Variants in CLVS1 observed in about 807,000 individuals in gnomAD.
CLVS1 encodes the protein clavesin 1.
CLVS1 carries 10 observed loss-of-function variants against 33.1 expected under a neutral mutation model. The observed-to-expected ratio is 0.30, with a 90% CI of 0.19 to 0.51. The LOEUF (loss-of-function observed/expected upper bound fraction) is 0.51, where lower values mean the gene tolerates loss of function less well. Among genes scored for constraint, CLVS1 ranks in the 20% least tolerant of loss-of-function variants. CLVS1 has a pLI of 0.97. For synonymous variants in CLVS1, 163 were observed against 166.1 expected (o/e 0.98, Z 0.14); for missense variants, 343 against 433.4 (o/e 0.79, Z 1.85).
rs116957021 is a variant in CLVS1 at position 61,288,589 on chromosome 8, C to T, written c.-152+451C>T. On this transcript the variant is annotated intron_variant, in intron 1 of 5. Coordinates refer to ENST00000325897, the MANE Select transcript of CLVS1 (RefSeq NM_173519.3). The stretch of plus-strand genomic sequence containing the variant: ...GGAAAGTGAAGGCAGGAGGGAGAGA[C>T]CCCAGGCACGGGGACAGATGGGGCA... Among the ~76,000 whole-genome samples, 149 of 152,328 alleles carry T rather than the reference C, an allele frequency of 9.8e-4. 3 individuals are homozygous for T. In the East Asian group the frequency reaches 0.026, roughly 27 times the overall value.
intron 2 of CLVS1, among the ~76,000 whole-genome samples, chr8:61,178,635 TA>T (rs1163767488): frequency 7.9e-5 from 12 of 151,922 alleles, no homozygotes; most frequent in African/African-American, 2.7e-4. Context: ...CCCATCAGAG[TA>T]ACAGCAGATC....
chr8:61,005,501 A>G, the CLVS1 span, among the ~76,000 whole-genome samples: 7 of 151,848 alleles, frequency 4.6e-5, no homozygotes, highest in African/African-American at 1.5e-4. Context: ...AAAAGAAAAG[A>G]AAAAAAAGCC....
intron 3 of CLVS1, among the ~76,000 whole-genome samples, chr8:61,394,759 T>C (rs981861638): frequency 6.6e-6 from 1 of 152,190 alleles, no homozygotes; most frequent in South Asian, 2.1e-4. Flanking sequence ...GGAACTGTCA[T>C]ACTCTTTTCC....
chr8:61,157,541 G>C (rs955365279), intron 2 of CLVS1, among the ~76,000 whole-genome samples: 2 of 151,966 alleles, frequency 1.3e-5, no homozygotes, highest in African/African-American at 4.8e-5. Context: ...TAAAAAGAGC[G>C]AACATTAATT....
chr8:61,289,881 T>TG, intron 1 of CLVS1, among the ~76,000 whole-genome samples: 1 of 152,348 alleles, frequency 6.6e-6, no homozygotes, highest in East Asian at 1.9e-4. Context: ...TAATTCCACC[T>TG]GCCTCTAAAA....
At chr8:61,477,503 A>C (rs1817998219) in intron 5 of CLVS1, among the ~76,000 whole-genome samples, 1 of 151,900 alleles carries the variant, frequency 6.6e-6, no homozygotes. Context: ...ACAGAGATTC[A>C]ACTTCTTCCT....
chr8:61,491,702 T>C (rs1804094249), intron 5 of CLVS1, among the ~76,000 whole-genome samples: 1 of 152,178 alleles, frequency 6.6e-6, no homozygotes, highest in Admixed American at 6.5e-5. Flanking sequence ...GGAGTTAGCC[T>C]GATCAAAAAA....
the CLVS1 span, among the ~76,000 whole-genome samples, chr8:60,990,626 A>T: frequency 6.6e-6 from 1 of 152,136 alleles, no homozygotes; most frequent in South Asian, 2.1e-4. Flanking sequence ...AATAGGATAG[A>T]TGAACCATTT....
At chr8:60,966,848 A>G in the CLVS1 span, among the ~76,000 whole-genome samples, 1 of 152,204 alleles carries the variant, frequency 6.6e-6, no homozygotes, top group African/African-American at 2.4e-5. Flanking sequence ...TTTCTTATAC[A>G]TGACATTGGG....
chr8:61,026,713 T>C, the CLVS1 span, among the ~76,000 whole-genome samples: 1 of 152,222 alleles, frequency 6.6e-6, no homozygotes, highest in African/African-American at 2.4e-5. Context: ...TTTAGCTTCA[T>C]GTACCTGGAC....
chr8:61,402,311 A>C (rs539364476), intron 3 of CLVS1, among the ~76,000 whole-genome samples: 1 of 152,244 alleles, frequency 6.6e-6, no homozygotes, highest in East Asian at 1.9e-4. Flanking sequence ...TAGAGTTCTC[A>C]CAGAACTTGT....
intron 3 of CLVS1, among the ~76,000 whole-genome samples, chr8:61,440,053 A>G (rs1188534456): frequency 6.6e-6 from 1 of 152,232 alleles, no homozygotes; most frequent in Non-Finnish European, 1.5e-5. Flanking sequence ...TACCATAAAT[A>G]ACAGAATCTA....
intron 2 of CLVS1, among the ~76,000 whole-genome samples, chr8:61,162,820 A>G (rs1308263068): frequency 6.6e-6 from 1 of 152,062 alleles, no homozygotes; most frequent in Non-Finnish European, 1.5e-5. Context: ...GTCTTGTTTT[A>G]TATCTCGAGA....
chr8:61,313,693 G>A (rs535939337), intron 2 of CLVS1, among the ~76,000 whole-genome samples: 2 of 152,224 alleles, frequency 1.3e-5, no homozygotes, highest in African/African-American at 4.8e-5. Flanking sequence ...TGACTTGTGG[G>A]GAGAAATCTG....
the CLVS1 span, among the ~76,000 whole-genome samples, chr8:61,034,132 A>C: frequency 9.8e-5 from 15 of 152,322 alleles, 1 homozygote; most frequent in Admixed American, 1.3e-4. Flanking sequence ...AGAAGCCAGC[A>C]CGTCCTTTTC....
At chr8:61,027,969 T>C in the CLVS1 span, among the ~76,000 whole-genome samples, 1 of 152,172 alleles carries the variant, frequency 6.6e-6, no homozygotes, top group African/African-American at 2.4e-5. Flanking sequence ...AGAGAATATT[T>C]TCATGGTTTA....
intron 3 of CLVS1, among the ~76,000 whole-genome samples, chr8:61,442,558 T>C (rs1816594087): frequency 6.6e-6 from 1 of 152,198 alleles, no homozygotes. Flanking sequence ...ACTTCTATCA[T>C]TGTATGAGCA....
intron 1 of CLVS1, among the ~76,000 whole-genome samples, chr8:61,088,287 G>A (rs923589891): frequency 3.9e-5 from 6 of 152,014 alleles, no homozygotes; most frequent in African/African-American, 1.4e-4. Context: ...TCAGGAGTTC[G>A]AGACCAGCCT....
intron 2 of CLVS1, among the ~76,000 whole-genome samples, chr8:61,235,822 G>A (rs1808545323): frequency 6.6e-6 from 1 of 152,196 alleles, no homozygotes; most frequent in African/African-American, 2.4e-5. Flanking sequence ...CTTGTTGCTA[G>A]AGATAGAGAT....
Sources: allele counts gnomAD v4.1 joint callset (sites outside exome capture counted in the v4.1 genomes callset), GRCh38; gene constraint gnomAD v4.1.1; transcripts MANE v1.5; gene names NCBI Gene and HGNC (gene_info 2026-07-23, HGNC 2026-07-21).